RAB11FIP3: variants seen among roughly 807,000 people sequenced by gnomAD.
RAB11FIP3 encodes RAB11 family interacting protein 3.
RAB11FIP3 carries 17 observed loss-of-function variants against 77.8 expected under a neutral mutation model. That is an observed-to-expected ratio of 0.22 (90% CI 0.15 to 0.33). The LOEUF (loss-of-function observed/expected upper bound fraction) is 0.33, where lower values mean the gene tolerates loss of function less well. Ranked by LOEUF, RAB11FIP3 falls within the 10% of genes least tolerant of loss-of-function variation. The pLI, the probability that RAB11FIP3 is intolerant of heterozygous loss-of-function variation, is 1.00. For synonymous variants in RAB11FIP3, 437 were observed against 448.2 expected (o/e 0.98, Z 0.31); for missense variants, 1,005 against 1,011.2 (o/e 0.99, Z 0.08).
intron 4 of RAB11FIP3, among the ~76,000 whole-genome samples, chr16:485,348 T>G (rs1246160331): frequency 6.6e-6 from 1 of 152,174 alleles, no homozygotes; most frequent in Non-Finnish European, 1.5e-5. Flanking sequence ...TTATGGGGTG[T>G]GGGTATCACA....
chr16:440,941 CTT>C (rs1160155330), intron 1 of RAB11FIP3, among the ~76,000 whole-genome samples: 20 of 143,376 alleles, frequency 1.4e-4, no homozygotes, highest in Non-Finnish European at 1.5e-4. Flanking sequence ...GTCCATTTTT[CTT>C]TTTTTTTTTT....
chr16:476,047 G>C (rs947534760), intron 3 of RAB11FIP3, among the ~76,000 whole-genome samples: 1 of 152,086 alleles, frequency 6.6e-6, no homozygotes, highest in African/African-American at 2.4e-5. Context: ...GGAGAAACAG[G>C]GTTTCACCAT....
intron 9 of RAB11FIP3, among the ~76,000 whole-genome samples, chr16:515,814 G>A (rs2032389903): frequency 6.6e-6 from 1 of 152,234 alleles, no homozygotes; most frequent in South Asian, 2.1e-4. Context: ...AGGCTCAGAA[G>A]TGGGTAGCAC....
At chr16:501,629 TG>T (rs1184505655) in intron 6 of RAB11FIP3, among the ~76,000 whole-genome samples, 34 of 141,334 alleles carry the variant, frequency 2.4e-4, no homozygotes, top group African/African-American at 8.9e-4. Flanking sequence ...GCAAGGAAGC[TG>T]GGAGAGGGTC....
At chr16:439,721 C>T (rs1290726121) in intron 1 of RAB11FIP3, among the ~76,000 whole-genome samples, 3 of 152,010 alleles carry the variant, frequency 2.0e-5, no homozygotes, top group African/African-American at 7.2e-5. Context: ...CATGAGACAT[C>T]AATCAATATA....
intron 4 of RAB11FIP3, among the ~76,000 whole-genome samples, chr16:484,641 CCG>C (rs2056116328): frequency 6.6e-6 from 1 of 152,212 alleles, no homozygotes; most frequent in African/African-American, 2.4e-5. Flanking sequence ...GTGTGAGCCA[CCG>C]CGTCTGGCCG....
At chr16:503,741 A>G (rs1272379979) in intron 7 of RAB11FIP3, among the ~76,000 whole-genome samples, 1 of 152,020 alleles carries the variant, frequency 6.6e-6, no homozygotes, top group Non-Finnish European at 1.5e-5. Flanking sequence ...TTAGCCACGC[A>G]TGGTGGCGGG....
chr16:437,636 G>A (rs925505866), intron 1 of RAB11FIP3, among the ~76,000 whole-genome samples: 3 of 149,140 alleles, frequency 2.0e-5, no homozygotes, highest in South Asian at 2.1e-4. Context: ...AGTGATAAAT[G>A]TTGAAGATGA....
rs2032659851 is a variant in RAB11FIP3, at chr16:520,974, T to C, written c.*135T>C. Reference sequence around the variant, plus strand: ...AGCATGCAGGGAACCCTCGTGCAGCTGAGCTGGGGCCGCCAAAGACCGGGG... The same window carrying C: ...AGCATGCAGGGAACCCTCGTGCAGCCGAGCTGGGGCCGCCAAAGACCGGGG... On this transcript the variant is annotated 3_prime_UTR_variant, in exon 14 of 14. Transcript: ENST00000262305. 4.1e-6 allele frequency: 3 copies of C among 735,506 alleles called. No homozygotes were observed. Among genetic ancestry groups the C allele is most frequent in the African/African-American group, 1.7e-5 (1 of 57,430 alleles). 45.6% of individuals were successfully genotyped at this position (735,506 alleles called of 1,614,324 possible). A position where few individuals can be genotyped will look rare whatever the true frequency, so the allele number is the denominator to read the frequency against.
Position 472,884 on chromosome 16 carries a change from G to C in RAB11FIP3, c.903+1495G>C, listed in dbSNP as rs542305259. Among the ~76,000 whole-genome samples, 82 of 152,266 alleles carry C rather than the reference G, an allele frequency of 5.4e-4. No homozygotes were observed. Among genetic ancestry groups the C allele is most frequent in the African/African-American group, 1.9e-3 (79 of 41,540 alleles). ...GTTTGGGCCCTAAATCCAGTGACAG[G>C]TGTCCCTGGAAGACGGGAGAGACAC... On this transcript the variant is annotated intron_variant, in intron 3 of 13. Coordinates refer to ENST00000262305, the MANE Select transcript of RAB11FIP3 (RefSeq NM_014700.4). The surrounding 1 kb of genome is among the most constrained non-coding windows in gnomAD (Gnocchi z 4.1).
intron 1 of RAB11FIP3, among the ~76,000 whole-genome samples, chr16:433,587 G>A (rs1163990275): frequency 4.0e-5 from 6 of 151,750 alleles, no homozygotes; most frequent in South Asian, 4.2e-4. Context: ...GGTGGCTCAC[G>A]CCTGTAATCT....
chr16:426,220 G>T lies in RAB11FIP3; in HGVS notation c.214G>T (p.Ala72Ser). Residue 72 changes from alanine to serine, a missense_variant, in exon 1 of 14, where the codon GCC (alanine) becomes TCC (serine). By Grantham distance (99) the Ala-to-Ser change is moderately conservative. Coordinates refer to ENST00000262305, the MANE Select transcript of RAB11FIP3 (RefSeq NM_014700.4). This position sits in a 1 kb window ranked among gnomAD's most constrained non-coding sequence, Gnocchi z 5.0. ...AAADGGARWS[A>S]GPAPGLEGGP... is the part of the protein sequence containing the mutation. Reference sequence around the variant, plus strand: ...TGCAGATGGCGGGGCGCGTTGGAGCGCCGGGCCGGCCCCGGGGCTGGAGGG... The same window carrying T: ...TGCAGATGGCGGGGCGCGTTGGAGCTCCGGGCCGGCCCCGGGGCTGGAGGG... 2.0e-6 allele frequency: 2 copies of T among 1,025,362 alleles called. No homozygotes were observed. The highest frequency in any genetic ancestry group is 2.3e-6 in the Non-Finnish European group (2 of 858,030). The allele number at this position is 1,025,362 out of a possible 1,614,324, so 63.5% of individuals were successfully genotyped here. A position where few individuals can be genotyped will look rare whatever the true frequency, so the allele number is the denominator to read the frequency against.
At chr16:519,240 C>T (rs1231782207) in intron 10 of RAB11FIP3, 4 of 568,866 alleles carry the variant, frequency 7.0e-6, no homozygotes, top group Non-Finnish European at 1.2e-5. Context: ...GGACCCAGGG[C>T]TCTGAATCTG....
intron 5 of RAB11FIP3, among the ~76,000 whole-genome samples, chr16:495,621 A>T (rs2031055689): frequency 6.6e-6 from 1 of 152,134 alleles, no homozygotes; most frequent in African/African-American, 2.4e-5. Context: ...TGCTGATGAC[A>T]CGCAGCATTG....
Position 456,783 on chromosome 16 carries a change from A to C in RAB11FIP3, c.715-4621A>C, listed in dbSNP as rs182232419. ...ACAACAAACAAAAAAACCAACAAAAAAACAACAACAAATCAAAACAAAACG... is the reference window on the plus strand; with the variant it reads ...ACAACAAACAAAAAAACCAACAAAACAACAACAACAAATCAAAACAAAACG... On this transcript the variant is annotated intron_variant, in intron 1 of 13. Coordinates refer to ENST00000262305, the MANE Select transcript of RAB11FIP3 (RefSeq NM_014700.4). 2.6e-4 allele frequency among the ~76,000 whole-genome samples: 40 copies of C among 152,278 alleles called. 1 individual carries two copies. The East Asian group carries it at 4.0e-3, about 15-fold the overall frequency.
At chr16:500,409 G>T (rs1021365196) in intron 6 of RAB11FIP3, among the ~76,000 whole-genome samples, 60 of 152,226 alleles carry the variant, frequency 3.9e-4, no homozygotes, top group Admixed American at 9.8e-4. Flanking sequence ...CCAGCCGGAC[G>T]CGGTGGTTCA....
intron 5 of RAB11FIP3, chr16:491,404 TC>T: frequency 1.1e-6 from 1 of 931,864 alleles, no homozygotes. Context: ...GGGCCCCGCC[TC>T]CCACCCTGCA....
At chr16:435,621 T>A (rs1368342890) in intron 1 of RAB11FIP3, among the ~76,000 whole-genome samples, 1 of 152,148 alleles carries the variant, frequency 6.6e-6, no homozygotes. Flanking sequence ...AGAGGGCGTA[T>A]GGTGGGAAGG....
rs2031820902 is a variant in RAB11FIP3, at chr16:505,448, C to G, written c.1396-76C>G. On this transcript the variant is annotated intron_variant, in intron 7 of 13. Coordinates refer to ENST00000262305, the MANE Select transcript of RAB11FIP3 (RefSeq NM_014700.4). The surrounding 1 kb of genome is among the most constrained non-coding windows in gnomAD (Gnocchi z 4.0). ...TGCTGAGAAAATCCCCAGGCGGCCT[C>G]CCAGGTTGTTCCCTTGGGGGTGCAG... The G allele has an allele frequency of 4.2e-6, 5 of 1,204,136 alleles. No homozygotes were observed. Among genetic ancestry groups the G allele is most frequent in the Non-Finnish European group, 4.7e-6 (4 of 858,636 alleles). The allele number at this position is 1,204,136 out of a possible 1,614,324, so 74.6% of individuals were successfully genotyped here.
Sources: gnomAD v4.1 joint callset for allele counts (sites outside exome capture counted in the v4.1 genomes callset) on GRCh38, gnomAD v4.1.1 for gene constraint, Gnocchi (gnomAD v3.1) non-coding constraint, MANE v1.5 for transcripts, NCBI Gene and HGNC (gene_info 2026-07-23, HGNC 2026-07-21) for gene names.